Variants in GRIK1 observed in about 807,000 individuals in gnomAD.
The protein encoded by GRIK1 is glutamate receptor ionotropic, kainate 1.
In GRIK1, 69 loss-of-function variants were observed where a neutral mutation model predicts 105.7. The ratio of observed to expected loss-of-function variants is 0.65; its 90% confidence interval spans 0.54 to 0.80. The LOEUF (loss-of-function observed/expected upper bound fraction) is 0.80, where lower values mean the gene tolerates loss of function less well. GRIK1 is among the 30% of genes least tolerant of loss of function. The pLI is 0.00. For synonymous variants in GRIK1, 438 were observed against 431.3 expected (o/e 1.02, Z -0.19); for missense variants, 1,109 against 1,167.3 (o/e 0.95, Z 0.73).
chr21:29,898,224 T>C (rs51617), intron 1 of GRIK1, among the ~76,000 whole-genome samples: 33,633 of 152,132 alleles, frequency 0.22, 4,247 homozygotes, highest in African/African-American at 0.34. Context: ...TTCTACCAGC[T>C]GCAAACAGCA....
chr21:29,848,779 A>ATATATATATATATATATATATATATATTT, intron 1 of GRIK1, among the ~76,000 whole-genome samples: 3 of 77,866 alleles, frequency 3.9e-5, no homozygotes, highest in African/African-American at 1.2e-4. Flanking sequence ...ATATATATAT[A>ATATATATATATATATATATATATATATTT]TTTTTTTTTT....
chr21:29,760,730 T>C (rs111857105), intron 1 of GRIK1, among the ~76,000 whole-genome samples: 6,457 of 152,204 alleles, frequency 0.042, 199 homozygotes, highest in Non-Finnish European at 0.066. Context: ...CTTGCAGAGG[T>C]GTCTCAAGAG....
At chr21:29,561,520 T>A (rs1350853037) in intron 15 of GRIK1, 104 bp downstream of exon 15, 6 of 701,560 alleles carry the variant, frequency 8.6e-6, no homozygotes, top group Non-Finnish European at 1.6e-5. Flanking sequence ...AATGGCATTG[T>A]AGGCCTTCTC....
At chr21:29,653,434 G>T (rs2062782726) in intron 5 of GRIK1, among the ~76,000 whole-genome samples, 2 of 152,288 alleles carry the variant, frequency 1.3e-5, no homozygotes, top group Admixed American at 1.3e-4. Context: ...GAGTGTTAGG[G>T]GTGAAGAGGA....
chr21:29,910,251 C>T (rs981585081), intron 1 of GRIK1, among the ~76,000 whole-genome samples: 6 of 152,074 alleles, frequency 3.9e-5, no homozygotes, highest in Non-Finnish European at 7.4e-5. Flanking sequence ...AAAAGACCTT[C>T]GAATAAATTC....
chr21:29,934,040 G>A (rs1171167269), intron 1 of GRIK1, among the ~76,000 whole-genome samples: 1 of 152,026 alleles, frequency 6.6e-6, no homozygotes, highest in Non-Finnish European at 1.5e-5. Context: ...GTGAAACAAC[G>A]AAAGAGGATT....
At chr21:29,587,907 G>GTACTATT (rs2091165091) in intron 11 of GRIK1, among the ~76,000 whole-genome samples, 3 of 148,582 alleles carry the variant, frequency 2.0e-5, no homozygotes, top group African/African-American at 7.5e-5. Context: ...TGAGCAACTT[G>GTACTATT]GTTGTACTAT....
intron 1 of GRIK1, among the ~76,000 whole-genome samples, chr21:29,819,017 C>T (rs976720548): frequency 4.6e-5 from 7 of 152,016 alleles, no homozygotes; most frequent in Non-Finnish European, 5.9e-5. Flanking sequence ...TGGGTTCCTC[C>T]TAAAGGTAAT....
At chr21:29,884,341 G>A (rs373884553) in intron 1 of GRIK1, among the ~76,000 whole-genome samples, 7 of 151,946 alleles carry the variant, frequency 4.6e-5, no homozygotes, top group East Asian at 3.9e-4. Flanking sequence ...CTATCCTATC[G>A]TAAAATGTTT....
At chr21:29,591,027 GC>G in intron 10 of GRIK1, 84 bp downstream of exon 10, 1 of 800,748 alleles carries the variant, frequency 1.2e-6, no homozygotes, top group East Asian at 2.4e-5. Context: ...AGAAGCGTTG[GC>G]ATGAAAAAGA....
intron 14 of GRIK1, 107 bp downstream of exon 14, chr21:29,576,857 C>T: frequency 1.2e-5 from 8 of 650,666 alleles, no homozygotes; most frequent in South Asian, 6.7e-5. Context: ...AAAAAATTAC[C>T]CAACATCTTT....
chr21:29,871,309 C>T (rs958173915), intron 1 of GRIK1, among the ~76,000 whole-genome samples: 13 of 152,176 alleles, frequency 8.5e-5, no homozygotes, highest in Non-Finnish European at 1.3e-4. Flanking sequence ...AATTGTGAAG[C>T]ATCCTGCAAA....
chr21:29,894,317 C>T (rs1569197253), intron 1 of GRIK1, among the ~76,000 whole-genome samples: 2 of 152,234 alleles, frequency 1.3e-5, no homozygotes, highest in East Asian at 3.9e-4. Context: ...AACAGTACAG[C>T]CTTCAATCTG....
At chr21:29,595,236 C>T (rs1336864580) in intron 9 of GRIK1, among the ~76,000 whole-genome samples, 1 of 151,944 alleles carries the variant, frequency 6.6e-6, no homozygotes, top group Non-Finnish European at 1.5e-5. Context: ...GAGGACATCC[C>T]CCCTCCCCTT....
intron 8 of GRIK1, among the ~76,000 whole-genome samples, chr21:29,596,971 AAC>A (rs3831784): frequency 7.9e-5 from 12 of 151,044 alleles, no homozygotes; most frequent in East Asian, 3.9e-4. Flanking sequence ...CACACACACA[AAC>A]ACACACACAC....
chr21:29,562,133 C>T (rs1418191388), intron 14 of GRIK1, among the ~76,000 whole-genome samples: 1 of 152,164 alleles, frequency 6.6e-6, no homozygotes, highest in Non-Finnish European at 1.5e-5. Context: ...CTCCAGGACT[C>T]TGTTCATTTC....
chr21:29,801,680 C>T (rs956570342), intron 1 of GRIK1, among the ~76,000 whole-genome samples: 8 of 152,162 alleles, frequency 5.3e-5, no homozygotes, highest in South Asian at 2.1e-4. Flanking sequence ...TTTTCACATA[C>T]GCAGATATTG....
chr21:29,846,227 C>G (rs185057803), intron 1 of GRIK1, among the ~76,000 whole-genome samples: 1 of 115,088 alleles, frequency 8.7e-6, no homozygotes, highest in African/African-American at 3.5e-5. Context: ...CCCTTCTCTA[C>G]TAAAATACAA....
intron 3 of GRIK1, among the ~76,000 whole-genome samples, chr21:29,678,529 C>T (rs772758235): frequency 1.3e-5 from 2 of 152,066 alleles, no homozygotes; most frequent in Non-Finnish European, 2.9e-5. Context: ...AAAGAATATG[C>T]CTGGCCTGGA....
Sources: gnomAD v4.1 joint callset for allele counts (sites outside exome capture counted in the v4.1 genomes callset) on GRCh38, gnomAD v4.1.1 for gene constraint, MANE v1.5 for transcripts, NCBI Gene and HGNC (gene_info 2026-07-23, HGNC 2026-07-21) for gene names.